Variants in CREB5 observed in about 807,000 individuals in gnomAD.
The protein encoded by CREB5 is cyclic AMP-responsive element-binding protein 5.
A neutral mutation model predicts 57.1 loss-of-function variants in CREB5; 19 were observed. That is an observed-to-expected ratio of 0.33 (90% CI 0.23 to 0.49). The LOEUF (loss-of-function observed/expected upper bound fraction) is 0.49. Among genes scored for constraint, CREB5 ranks in the 20% least tolerant of loss-of-function variants. The pLI is 0.99. For missense variants in CREB5, 579 were observed against 671.6 expected, an observed-to-expected ratio of 0.86 and a Z score of 1.52; for synonymous variants, 238 against 238.3, an observed-to-expected ratio of 1.00 and a Z score of 0.01.
At chr7:28,330,439 C>T (rs6978238) in intron 1 of CREB5, among the ~76,000 whole-genome samples, 50,902 of 122,048 alleles carry the variant, frequency 0.42, 9,922 homozygotes, top group Non-Finnish European at 0.44. Context: ...TAGTTTGCAT[C>T]GTCAGAGGAA....
At chr7:28,613,516 A>C (rs1253023777) in intron 5 of CREB5, among the ~76,000 whole-genome samples, 2 of 152,258 alleles carry the variant, frequency 1.3e-5, no homozygotes, top group African/African-American at 2.4e-5. Flanking sequence ...TTTCGACTTC[A>C]TGTGAATTGA....
At chr7:28,649,167 C>T (rs1207893696) in intron 5 of CREB5, among the ~76,000 whole-genome samples, 1 of 152,182 alleles carries the variant, frequency 6.6e-6, no homozygotes, top group Non-Finnish European at 1.5e-5. Context: ...TGATTCCTGG[C>T]CACCAGCAAG....
chr7:28,330,112 A>T (rs1785685803), intron 1 of CREB5, among the ~76,000 whole-genome samples: 1 of 152,194 alleles, frequency 6.6e-6, no homozygotes. Context: ...CAGGTTTCAA[A>T]GGACATCTGC....
intron 1 of CREB5, among the ~76,000 whole-genome samples, chr7:28,363,738 C>G (rs1474069928): frequency 3.3e-5 from 5 of 152,292 alleles, no homozygotes; most frequent in Non-Finnish European, 7.4e-5. Flanking sequence ...GGCAGCAGAG[C>G]TGAGCTCGAA....
chr7:28,658,774 C>G (rs1375832306), intron 5 of CREB5, among the ~76,000 whole-genome samples: 1 of 151,716 alleles, frequency 6.6e-6, no homozygotes, highest in East Asian at 1.9e-4. Context: ...AAGGAAAGGG[C>G]TGACAGCTGC....
upstream of CREB5, among the ~76,000 whole-genome samples, chr7:28,408,268 G>A (rs560569488): frequency 9.8e-4 from 150 of 152,318 alleles, no homozygotes; most frequent in African/African-American, 3.6e-3. Context: ...TGAGAAACAA[G>A]GGAAATCACG....
chr7:28,618,636 G>A lies in CREB5; in HGVS notation c.464+48099G>A, dbSNP rs778826542. ...GATCTATACACAGATACAGTCACAC[G>A]CAGCTGGGACTTGCCTCCCGTCTCA... On this transcript the variant is annotated intron_variant, in intron 5 of 10. Transcript: ENST00000357727. Among the ~76,000 whole-genome samples, 7 of 152,114 alleles carry A rather than the reference G, an allele frequency of 4.6e-5. No individual in the cohort carries two copies. The South Asian group carries it at 1.0e-3, about 23-fold the overall frequency.
At chr7:28,445,698 C>T (rs968285697) in intron 1 of CREB5, among the ~76,000 whole-genome samples, 1 of 151,976 alleles carries the variant, frequency 6.6e-6, no homozygotes. Context: ...ACTACAGGCG[C>T]CCGCCACCAC....
At chr7:28,373,226 A>G (rs1369930648) in intron 1 of CREB5, among the ~76,000 whole-genome samples, 1 of 152,196 alleles carries the variant, frequency 6.6e-6, no homozygotes, top group Admixed American at 6.5e-5. Flanking sequence ...TGTCCCTCCC[A>G]TGACGGTCAG....
chr7:28,810,407 C>T (rs1272955565), intron 9 of CREB5, among the ~76,000 whole-genome samples: 4 of 152,018 alleles, frequency 2.6e-5, no homozygotes, highest in Admixed American at 6.6e-5. Context: ...GGGGTCCGGG[C>T]GCAGTGGCCT....
intron 5 of CREB5, among the ~76,000 whole-genome samples, chr7:28,699,960 G>C (rs2128736395): frequency 6.6e-6 from 1 of 152,238 alleles, no homozygotes; most frequent in African/African-American, 2.4e-5. Context: ...GAAATACTGG[G>C]AAATCAGTTT....
intron 10 of CREB5, 184 bp from the exon 11 acceptor site, chr7:28,818,932 G>T: frequency 1.5e-6 from 1 of 649,708 alleles, no homozygotes; most frequent in Admixed American, 2.9e-5. Flanking sequence ...AACTGGAAAG[G>T]CATAGCATTG....
At chr7:28,811,055 A>G (rs1809088830) in intron 9 of CREB5, among the ~76,000 whole-genome samples, 1 of 152,192 alleles carries the variant, frequency 6.6e-6, no homozygotes, top group Non-Finnish European at 1.5e-5. Flanking sequence ...TGCCGCGGGA[A>G]GATTGGGACT....
chr7:28,716,671 G>A (rs1802705858), intron 5 of CREB5, among the ~76,000 whole-genome samples: 1 of 152,154 alleles, frequency 6.6e-6, no homozygotes, highest in South Asian at 2.1e-4. Flanking sequence ...ATTCAGTAAA[G>A]TTCCCAAACA....
chr7:28,533,251 A>C (rs1793806670), intron 4 of CREB5, among the ~76,000 whole-genome samples: 1 of 152,220 alleles, frequency 6.6e-6, no homozygotes, highest in East Asian at 1.9e-4. Context: ...ACGGGAAGTC[A>C]AAGCTTGTGT....
chr7:28,717,358 CCTT>C (rs1802752063), intron 5 of CREB5, among the ~76,000 whole-genome samples: 1 of 152,062 alleles, frequency 6.6e-6, no homozygotes, highest in African/African-American at 2.4e-5. Flanking sequence ...AATGACTAAT[CCTT>C]CTATGATGTG....
At chr7:28,548,757 A>G (rs1794512325) in intron 4 of CREB5, among the ~76,000 whole-genome samples, 1 of 152,142 alleles carries the variant, frequency 6.6e-6, no homozygotes, top group African/African-American at 2.4e-5. Flanking sequence ...GTTTTTTTCT[A>G]ATTACGTATT....
At chr7:28,528,943 T>C (rs956435066) in intron 4 of CREB5, among the ~76,000 whole-genome samples, 2 of 152,120 alleles carry the variant, frequency 1.3e-5, no homozygotes, top group Non-Finnish European at 2.9e-5. Flanking sequence ...GGCTGGACCT[T>C]GGAGAGGTCA....
Position 28,391,066 on chromosome 7 carries a change from C to G in CREB5, c.-25+91625C>G, listed in dbSNP as rs561863488. Among the ~76,000 whole-genome samples, 74 of 152,124 alleles carry G rather than the reference C, an allele frequency of 4.9e-4. 1 individual carries two copies. The highest frequency in any genetic ancestry group is 4.1e-4 in the South Asian group (2 of 4,828). ...GATATTTTAAAATAGAGAAAACAATCTATTCAGTCTTGTCATCCTAGCACA... is the reference window on the plus strand; with the variant it reads ...GATATTTTAAAATAGAGAAAACAATGTATTCAGTCTTGTCATCCTAGCACA... On this transcript the variant is annotated intron_variant, in intron 1 of 9. Coordinates refer to the CREB5 transcript ENST00000396299.
Sources: allele counts gnomAD v4.1 joint callset (sites outside exome capture counted in the v4.1 genomes callset), GRCh38; gene constraint gnomAD v4.1.1; transcripts MANE v1.5; gene names NCBI Gene and HGNC (gene_info 2026-07-23, HGNC 2026-07-21).